The following CKAP5 variants were observed in gnomAD, a reference collection of about 807,000 sequenced individuals.
The protein encoded by CKAP5 is cytoskeleton-associated protein 5.
CKAP5 carries 27 observed loss-of-function variants against 232.8 expected under a neutral mutation model. The ratio of observed to expected loss-of-function variants is 0.12; its 90% confidence interval spans 0.09 to 0.16. CKAP5 has a LOEUF of 0.16. CKAP5 is among the 10% of genes least tolerant of loss of function. The probability of loss-of-function intolerance (pLI) is 1.00; values close to 1 mark genes in which losing one functional copy is unlikely to be tolerated. For missense variants in CKAP5, 1,838 were observed against 2,424.7 expected (o/e 0.76, Z 5.08); for synonymous variants, 785 against 841.1 (o/e 0.93, Z 1.16).
intron 1 of CKAP5, among the ~76,000 whole-genome samples, chr11:46,835,872 A>C (rs139636370): frequency 1.5e-3 from 225 of 152,366 alleles, no homozygotes; most frequent in African/African-American, 5.1e-3. Context: ...GCAAACACTA[A>C]CTTAATCAAG....
intron 1 of CKAP5, among the ~76,000 whole-genome samples, chr11:46,842,608 A>C (rs1332500721): frequency 2.0e-5 from 3 of 152,206 alleles, no homozygotes; most frequent in African/African-American, 7.2e-5. Context: ...CATTAGGTTA[A>C]GAGAATGGTG....
chr11:46,793,878 G>A (rs1471039183), intron 13 of CKAP5, among the ~76,000 whole-genome samples: 1 of 151,982 alleles, frequency 6.6e-6, no homozygotes, highest in Non-Finnish European at 1.5e-5. Context: ...AGTGAGCCGA[G>A]ATTGTGCCAC....
chr11:46,812,553 C>T (rs555929638), intron 4 of CKAP5, among the ~76,000 whole-genome samples: 1 of 152,188 alleles, frequency 6.6e-6, no homozygotes, highest in South Asian at 2.1e-4. Context: ...ATCTAATGTG[C>T]ACAAATTTAT....
chr11:46,744,174 G>C lies in CKAP5; in HGVS notation c.5948C>G (p.Ser1983Cys). The change falls in exon 44 of 44, where the codon TCT becomes TGT. Residue 1983 changes from serine to cysteine, a missense_variant. Ser to Cys is a moderately radical substitution (Grantham distance 112, BLOSUM62 -1). This residue lies in a region of CKAP5 where 62 missense variants were observed against 61.1 expected (regional missense o/e 1.01). Coordinates refer to ENST00000529230, the MANE Select transcript of CKAP5 (RefSeq NM_001008938.4). ...CTGCTCCCGTGACTCCCGGAGCTGA[G>C]AGAGTTTGCTGTGGAGCATGTCTGT... ...SSTDMLHSKL[S>C]QLRESREQHQ... 1 of 1,614,192 alleles carries C rather than the reference G, an allele frequency of 6.2e-7. No individual in the cohort carries two copies. The highest frequency in any genetic ancestry group is 8.5e-7 in the Non-Finnish European group (1 of 1,180,032).
intron 5 of CKAP5, among the ~76,000 whole-genome samples, chr11:46,810,480 T>A (rs1939249449): frequency 6.6e-6 from 1 of 152,124 alleles, no homozygotes; most frequent in Non-Finnish European, 1.5e-5. Context: ...GGCTAATTTT[T>A]TTTTTATTAT....
In CKAP5 at chr11:46,771,112, ATCAGTACTTTTCATAAT is replaced by A. The variant is rs1423314401; in HGVS notation, c.2992-147_2992-131del. The A allele has an allele frequency of 6.0e-6, 4 of 666,752 alleles. No homozygotes were observed. The African/African-American group carries it at 7.2e-5, about 12-fold the overall frequency. 41.3% of individuals were successfully genotyped at this position (666,752 alleles called of 1,614,324 possible). A position where few individuals can be genotyped will look rare whatever the true frequency, so the allele number is the denominator to read the frequency against. On this transcript the variant is annotated intron_variant, in intron 24 of 43. Coordinates refer to ENST00000529230, the MANE Select transcript of CKAP5 (RefSeq NM_001008938.4). ...TCACACTATAACTTTCCAATATGAA[ATCAGTACTTTTCATAAT>A]TCAAGAACTGTGCTAAATTTAAATA...
At chr11:46,806,353 T>C (rs958216162) in intron 8 of CKAP5, among the ~76,000 whole-genome samples, 2 of 152,220 alleles carry the variant, frequency 1.3e-5, no homozygotes, top group South Asian at 4.1e-4. Flanking sequence ...GAAAAGGTTT[T>C]CTTTGACACA....
At chr11:46,750,039 G>T (rs188995215) in intron 42 of CKAP5, among the ~76,000 whole-genome samples, 2 of 152,226 alleles carry the variant, frequency 1.3e-5, no homozygotes, top group East Asian at 3.9e-4. Flanking sequence ...AACTGGAAGC[G>T]AAGTGAAGAA....
At chr11:46,767,725 G>A in intron 26 of CKAP5, 62 bp from the exon 27 acceptor site, 1 of 994,882 alleles carries the variant, frequency 1.0e-6, no homozygotes, top group South Asian at 1.5e-5. Context: ...ATTTTGGACA[G>A]GTTAAATATA....
intron 16 of CKAP5, among the ~76,000 whole-genome samples, chr11:46,786,898 C>T (rs942228725): frequency 6.6e-6 from 1 of 152,204 alleles, no homozygotes; most frequent in Non-Finnish European, 1.5e-5. Flanking sequence ...AAGAAAATCT[C>T]TCCAGTCATT....
chr11:46,812,371 C>T (rs1162436565), intron 4 of CKAP5, among the ~76,000 whole-genome samples: 2 of 152,036 alleles, frequency 1.3e-5, no homozygotes, highest in Non-Finnish European at 2.9e-5. Context: ...TGTGTTTAAC[C>T]TTACATATCT....
intron 16 of CKAP5, 104 bp from the exon 17 acceptor site, chr11:46,784,777 G>A (rs2065376558): frequency 1.4e-6 from 1 of 732,130 alleles, no homozygotes; most frequent in Non-Finnish European, 2.2e-6. Context: ...AGGGACAGCT[G>A]GAAACACAAC....
At position 46,765,025 on chromosome 11, in the gene CKAP5, C is replaced by T. The variant is rs1305497617; in HGVS notation, c.3537+106G>A. On this transcript the variant is annotated intron_variant, in intron 28 of 43. Coordinates refer to ENST00000529230, the MANE Select transcript of CKAP5 (RefSeq NM_001008938.4). ...TAATATAATTTATAAGCAAAAGAAA[C>T]ACTTAATTCCTAGATATTAAACAAT... 6 of 1,021,580 alleles carry T rather than the reference C, an allele frequency of 5.9e-6. No individual in the cohort carries two copies. The East Asian group carries it at 1.6e-4, about 27-fold the overall frequency. 63.3% of individuals were successfully genotyped at this position (1,021,580 alleles called of 1,614,324 possible).
At chr11:46,835,528 G>T (rs1337865485) in intron 1 of CKAP5, among the ~76,000 whole-genome samples, 1 of 151,964 alleles carries the variant, frequency 6.6e-6, no homozygotes, top group African/African-American at 2.4e-5. Flanking sequence ...GGACACAGGA[G>T]CCAACCAAAA....
chr11:46,774,426 T>A (rs1769304936), intron 24 of CKAP5, among the ~76,000 whole-genome samples: 4 of 152,220 alleles, frequency 2.6e-5, no homozygotes, highest in Admixed American at 2.6e-4. Flanking sequence ...AAGTAATTTA[T>A]AGATTCAGTG....
At chr11:46,745,901 G>A (rs554294338) in intron 42 of CKAP5, among the ~76,000 whole-genome samples, 6 of 152,120 alleles carry the variant, frequency 3.9e-5, no homozygotes, top group South Asian at 2.1e-4. Flanking sequence ...GCAGTGAGCC[G>A]AGATCGCACC....
chr11:46,839,681 C>T (rs955509199), intron 1 of CKAP5, among the ~76,000 whole-genome samples: 2 of 152,190 alleles, frequency 1.3e-5, no homozygotes, highest in Middle Eastern at 3.4e-3. Context: ...CCTACAGATC[C>T]CTACTTCACG....
At chr11:46,805,197 T>C (rs1404885651) in intron 8 of CKAP5, among the ~76,000 whole-genome samples, 1 of 152,074 alleles carries the variant, frequency 6.6e-6, no homozygotes, top group Non-Finnish European at 1.5e-5. Flanking sequence ...ATCGTGCCAC[T>C]GCACTCCAGC....
intron 27 of CKAP5, among the ~76,000 whole-genome samples, chr11:46,766,488 T>C (rs1008239344): frequency 4.6e-5 from 7 of 152,310 alleles, no homozygotes; most frequent in Non-Finnish European, 8.8e-5. Flanking sequence ...AAATGGTTAA[T>C]TGTAATATTT....
Sources: gnomAD v4.1 joint callset for allele counts (sites outside exome capture counted in the v4.1 genomes callset) on GRCh38, gnomAD v4.1.1 for gene constraint, gnomAD v4.1.1 regional missense constraint, MANE v1.5 for transcripts, NCBI Gene and HGNC (gene_info 2026-07-23, HGNC 2026-07-21) for gene names.